Variants in SIPA1L1 observed in about 807,000 individuals in gnomAD.
SIPA1L1 encodes signal-induced proliferation-associated 1-like protein 1.
Under a neutral mutation model 162.7 loss-of-function variants are expected in SIPA1L1, and 26 were observed. The ratio of observed to expected loss-of-function variants is 0.16; its 90% CI spans 0.12 to 0.22. The LOEUF (loss-of-function observed/expected upper bound fraction) is 0.22. Among genes scored for constraint, SIPA1L1 ranks in the 10% least tolerant of loss-of-function variants. SIPA1L1 has a pLI of 1.00. For missense variants in SIPA1L1, 1,874 were observed against 2,241.0 expected (o/e 0.84, Z 3.31); for synonymous variants, 829 against 837.4 (o/e 0.99, Z 0.17).
intron 2 of SIPA1L1, among the ~76,000 whole-genome samples, chr14:71,362,534 C>G (rs1377532119): frequency 6.6e-6 from 1 of 152,174 alleles, no homozygotes; most frequent in Non-Finnish European, 1.5e-5. Flanking sequence ...ATTTGAGTCA[C>G]AGAAAACAGG....
intron 12 of SIPA1L1, among the ~76,000 whole-genome samples, chr14:71,679,694 T>C (rs956370111): frequency 6.6e-6 from 1 of 152,182 alleles, no homozygotes; most frequent in East Asian, 1.9e-4. Flanking sequence ...ACCCATCTCA[T>C]GTGCAGAGAC....
rs564922430 is a variant in SIPA1L1, at chr14:71,630,706, C to G, written c.1818+6470C>G. Among the ~76,000 whole-genome samples the G allele has an allele frequency of 3.3e-5, 5 of 152,142 alleles. No individual in the cohort carries two copies. In the South Asian group the frequency reaches 1.0e-3, roughly 32 times the overall value. On this transcript the variant is annotated intron_variant, in intron 7 of 23. Transcript: ENST00000381232. ...TTACATTCAGGGGTTCCATTTCTACCTGTTCCTATGACCCTTTTCTCCCCT... is the reference window on the plus strand; with the variant it reads ...TTACATTCAGGGGTTCCATTTCTACGTGTTCCTATGACCCTTTTCTCCCCT...
chr14:71,710,211 T>C (rs141950531), intron 17 of SIPA1L1, among the ~76,000 whole-genome samples: 4 of 152,330 alleles, frequency 2.6e-5, no homozygotes, highest in Non-Finnish European at 5.9e-5. Flanking sequence ...GGATGTCCAA[T>C]AGAAACGTGT....
chr14:71,474,494 C>T (rs1330415656), intron 2 of SIPA1L1, among the ~76,000 whole-genome samples: 34 of 152,138 alleles, frequency 2.2e-4, no homozygotes, highest in Non-Finnish European at 8.8e-5. Flanking sequence ...TAGGTCCAGG[C>T]ACCATGCCAG....
chr14:71,409,488 C>G (rs1226463783), intron 2 of SIPA1L1, among the ~76,000 whole-genome samples: 1 of 151,966 alleles, frequency 6.6e-6, no homozygotes, highest in African/African-American at 2.4e-5. Flanking sequence ...TTAATGGGAG[C>G]CAGATTTACT....
chr14:71,667,389 G>A (rs1439432251), intron 10 of SIPA1L1, among the ~76,000 whole-genome samples: 1 of 152,196 alleles, frequency 6.6e-6, no homozygotes, highest in Non-Finnish European at 1.5e-5. Flanking sequence ...ATCACTGGCT[G>A]TGGCTCCCAC....
At chr14:71,355,491 G>C (rs1402756417) in intron 2 of SIPA1L1, among the ~76,000 whole-genome samples, 1 of 152,172 alleles carries the variant, frequency 6.6e-6, no homozygotes, top group Non-Finnish European at 1.5e-5. Flanking sequence ...TTCAAATACG[G>C]CATTAGATCA....
chr14:71,428,060 T>C (rs1354541447), intron 2 of SIPA1L1, among the ~76,000 whole-genome samples: 4 of 152,050 alleles, frequency 2.6e-5, no homozygotes, highest in Non-Finnish European at 5.9e-5. Flanking sequence ...TGGTGTGATC[T>C]TGACTCACTG....
At chr14:71,353,141 G>T (rs1165542029) in intron 2 of SIPA1L1, among the ~76,000 whole-genome samples, 1 of 152,162 alleles carries the variant, frequency 6.6e-6, no homozygotes. Flanking sequence ...TTGATTTATA[G>T]AAATTTTAAA....
chr14:71,503,589 ATATTTTTCTTT>A (rs2050417777), intron 2 of SIPA1L1, among the ~76,000 whole-genome samples: 1 of 152,204 alleles, frequency 6.6e-6, no homozygotes, highest in Non-Finnish European at 1.5e-5. Context: ...AATGTTTCAC[ATATTTTTCTTT>A]AATGTTTCTA....
rs188838244 is a variant in SIPA1L1 at position 71,526,134 on chromosome 14, G to A, written c.-361-3178G>A. Among the ~76,000 whole-genome samples the A allele has an allele frequency of 5.3e-5, 8 of 152,316 alleles. No individual in the cohort carries two copies. In the East Asian group the frequency reaches 1.5e-3, roughly 29 times the overall value. ...TGAATCTGGGTATAGCATGCTATGAGAAAGCATCCACTTAGTAATGTGTCC... is the reference window on the plus strand; with the variant it reads ...TGAATCTGGGTATAGCATGCTATGAAAAAGCATCCACTTAGTAATGTGTCC... On this transcript the variant is annotated intron_variant, in intron 3 of 23. Coordinates refer to ENST00000381232, the MANE Select transcript of SIPA1L1 (RefSeq NM_001386936.1).
chr14:71,327,719 C>G (rs565693344), intron 2 of SIPA1L1, among the ~76,000 whole-genome samples: 1 of 152,286 alleles, frequency 6.6e-6, no homozygotes, highest in East Asian at 1.9e-4. Flanking sequence ...AACACATGTT[C>G]TTGAAATGTG....
intron 2 of SIPA1L1, among the ~76,000 whole-genome samples, chr14:71,359,874 A>G (rs2037634371): frequency 6.6e-6 from 1 of 152,224 alleles, no homozygotes; most frequent in Non-Finnish European, 1.5e-5. Context: ...ACTAAATGAT[A>G]AAAATGCATA....
rs1330973684 is a variant in SIPA1L1 at position 71,655,062 on chromosome 14, A to G, written c.1994-3271A>G. Among the ~76,000 whole-genome samples the G allele has an allele frequency of 2.6e-5, 4 of 152,288 alleles. No homozygotes were observed. In the East Asian group the frequency reaches 7.7e-4, roughly 29 times the overall value. ...AATCTATTAGCCAAATAGTGAGCAT[A>G]GTACCCAGTAGGTGGAGATTTTGAG... On this transcript the variant is annotated intron_variant, in intron 8 of 23. Coordinates refer to ENST00000381232, the MANE Select transcript of SIPA1L1 (RefSeq NM_001386936.1).
intron 2 of SIPA1L1, among the ~76,000 whole-genome samples, chr14:71,334,105 T>C (rs191754692): frequency 8.3e-4 from 126 of 152,274 alleles, no homozygotes; most frequent in African/African-American, 2.9e-3. Context: ...TCTGTGCATG[T>C]TGGGTATGAG....
intron 4 of SIPA1L1, among the ~76,000 whole-genome samples, chr14:71,548,871 C>T (rs1354647379): frequency 7.6e-6 from 1 of 131,398 alleles, no homozygotes; most frequent in Non-Finnish European, 1.5e-5. Flanking sequence ...GTACTCCAGC[C>T]TGGAGACTGT....
intron 3 of SIPA1L1, among the ~76,000 whole-genome samples, chr14:71,518,959 C>A (rs1179733783): frequency 6.6e-6 from 1 of 152,098 alleles, no homozygotes; most frequent in Non-Finnish European, 1.5e-5. Context: ...CTGAAAAACC[C>A]ATCAGATCTC....
intron 2 of SIPA1L1, among the ~76,000 whole-genome samples, chr14:71,325,849 T>C (rs2033731147): frequency 6.6e-6 from 1 of 152,220 alleles, no homozygotes; most frequent in Non-Finnish European, 1.5e-5. Flanking sequence ...TTAGTATGCC[T>C]AAGTTGAAAT....
chr14:71,342,907 AGAAC>A (rs1833502234), intron 2 of SIPA1L1, among the ~76,000 whole-genome samples: 1 of 152,190 alleles, frequency 6.6e-6, no homozygotes, highest in South Asian at 2.1e-4. Context: ...TAATCTCCTA[AGAAC>A]GAAGATTAAT....
Sources: gnomAD v4.1 joint callset for allele counts (sites outside exome capture counted in the v4.1 genomes callset) on GRCh38, gnomAD v4.1.1 for gene constraint, MANE v1.5 for transcripts, NCBI Gene and HGNC (gene_info 2026-07-23, HGNC 2026-07-21) for gene names.